The following HS1BP3 variants were observed in gnomAD, a reference collection of about 807,000 sequenced individuals.
HS1BP3 encodes the protein HCLS1 binding protein 3, also known as HCLS1-binding protein 3.
In HS1BP3, 32 loss-of-function variants were observed where a neutral mutation model predicts 33.5. That is an observed-to-expected ratio of 0.95 (90% CI 0.72 to 1.28). The LOEUF (loss-of-function observed/expected upper bound fraction) is 1.28. HS1BP3 is among the 50% of genes most tolerant of loss of function. The pLI is 0.00. For synonymous variants in HS1BP3, 187 were observed against 209.2 expected (o/e 0.89, Z 0.92); for missense variants, 486 against 502.3 (o/e 0.97, Z 0.31).
At chr2:20,566,612 G>GTT (rs200183651) in intron 5 of HS1BP3, among the ~76,000 whole-genome samples, 2 of 141,890 alleles carry the variant, frequency 1.4e-5, no homozygotes, top group South Asian at 2.2e-4. Context: ...TTTTTTTTTT[G>GTT]TTTTTTTTTT....
intron 2 of HS1BP3, among the ~76,000 whole-genome samples, chr2:20,606,044 C>T (rs1262636191): frequency 2.0e-5 from 3 of 152,122 alleles, no homozygotes; most frequent in Non-Finnish European, 4.4e-5. Context: ...ATTGACCATA[C>T]CATTCTACAT....
chr2:20,617,614 G>A (rs1361879386), downstream of HS1BP3, among the ~76,000 whole-genome samples: 3 of 149,128 alleles, frequency 2.0e-5, no homozygotes, highest in Admixed American at 6.7e-5. Context: ...ACCATCAGCC[G>A]GGGGCTCCCT....
intron 5 of HS1BP3, among the ~76,000 whole-genome samples, chr2:20,566,616 T>A (rs1433214256): frequency 2.6e-5 from 4 of 151,766 alleles, no homozygotes; most frequent in Non-Finnish European, 5.9e-5. Context: ...TTTTTTGTTT[T>A]TTTTTTTGAG....
chr2:20,613,965 G>A (rs1694365744), downstream of HS1BP3, among the ~76,000 whole-genome samples: 1 of 152,342 alleles, frequency 6.6e-6, no homozygotes, highest in Non-Finnish European at 1.5e-5. Context: ...GCCTTTGCAG[G>A]TATAATTAAA....
the HS1BP3 span, among the ~76,000 whole-genome samples, chr2:20,554,662 C>T: frequency 3.7e-4 from 52 of 142,264 alleles, no homozygotes; most frequent in Non-Finnish European, 5.2e-4. Flanking sequence ...GCGGAGGTTG[C>T]AATTGCACTC....
At chr2:20,571,466 T>A (rs1171819508) in intron 5 of HS1BP3, among the ~76,000 whole-genome samples, 1 of 152,224 alleles carries the variant, frequency 6.6e-6, no homozygotes, top group Non-Finnish European at 1.5e-5. Flanking sequence ...TTGTTCGACT[T>A]TGTGTCCTTT....
At chr2:20,559,260 G>A (rs1484780732), downstream of HS1BP3, among the ~76,000 whole-genome samples, 5 of 152,226 alleles carry the variant, frequency 3.3e-5, no homozygotes, top group East Asian at 9.6e-4. Flanking sequence ...CAGGCAGGTT[G>A]GAATTGCAAT....
intron 4 of HS1BP3, among the ~76,000 whole-genome samples, chr2:20,625,747 G>A (rs546853923): frequency 1.0e-3 from 152 of 152,312 alleles, no homozygotes; most frequent in Non-Finnish European, 2.0e-3. Context: ...AAACCAGGAC[G>A]GGGCAGGATG....
intron 5 of HS1BP3, among the ~76,000 whole-genome samples, chr2:20,565,755 A>T (rs1434936011): frequency 8.5e-5 from 13 of 152,232 alleles, no homozygotes; most frequent in Admixed American, 8.5e-4. Flanking sequence ...AGCCAAAGCC[A>T]CCAGGCAGGT....
At chr2:20,574,850 G>A (rs1158275105) in intron 5 of HS1BP3, among the ~76,000 whole-genome samples, 4 of 152,132 alleles carry the variant, frequency 2.6e-5, no homozygotes, top group Non-Finnish European at 1.5e-5. Flanking sequence ...GAGAGAAGTC[G>A]GGACCCTGGG....
chr2:20,576,238 C>T (rs1187678343), intron 5 of HS1BP3, among the ~76,000 whole-genome samples: 1 of 152,188 alleles, frequency 6.6e-6, no homozygotes, highest in Admixed American at 6.5e-5. Flanking sequence ...ACCTCGGCCT[C>T]CAAAGTGTTC....
At chr2:20,585,387 C>T (rs997928405) in intron 5 of HS1BP3, among the ~76,000 whole-genome samples, 12 of 152,184 alleles carry the variant, frequency 7.9e-5, no homozygotes, top group African/African-American at 2.2e-4. Flanking sequence ...TCGAGTGTCC[C>T]GGTCTGGAAG....
At chr2:20,615,210 G>A (rs779193188), downstream of HS1BP3, among the ~76,000 whole-genome samples, 6 of 152,242 alleles carry the variant, frequency 3.9e-5, no homozygotes, top group Non-Finnish European at 5.9e-5. Context: ...ACCCAGGGTG[G>A]GTAAGTCTCT....
intron 5 of HS1BP3, among the ~76,000 whole-genome samples, chr2:20,577,077 G>C (rs975431562): frequency 1.3e-5 from 2 of 152,218 alleles, no homozygotes; most frequent in African/African-American, 2.4e-5. Flanking sequence ...TGCCGTTTGA[G>C]TTGGGTTTTC....
Position 20,582,415 on chromosome 2 carries a change from TA to T in HS1BP3, c.303-21901del, listed in dbSNP as rs147250010. ...AGAGATTGGTAGGGGAGAGCTGTCC[TA>T]GGGGGAGGGTGGGCCTCTCAGGCAG... On this transcript the variant is annotated intron_variant, in intron 5 of 5. Coordinates refer to the HS1BP3 transcript ENST00000446825. Among the ~76,000 whole-genome samples, 66 of 146,760 alleles carry T rather than the reference TA, an allele frequency of 4.5e-4. 1 individual carries two copies. The East Asian group carries it at 0.012, about 26-fold the overall frequency.
rs2149275334 is a variant in HS1BP3 at position 20,579,976 on chromosome 2, A to T, written c.303-19461T>A. The stretch of plus-strand genomic sequence containing the variant: ...CCTCCTGCCTTTAAAATGTAAGTGA[A>T]AATGTTTTGTTTGTGGATCTGTTTC... On this transcript the variant is annotated intron_variant, in intron 5 of 5. Transcript: ENST00000446825. 2.0e-5 allele frequency among the ~76,000 whole-genome samples: 3 copies of T among 150,802 alleles called. No individual in the cohort carries two copies. The Middle Eastern group carries it at 0.01, about 520-fold the overall frequency.
In HS1BP3 at chr2:20,618,152, A is replaced by G. The variant is rs1328934173; in HGVS notation, c.*835T>C. On this transcript the variant is annotated 3_prime_UTR_variant, in exon 7 of 7. Coordinates refer to ENST00000304031, the MANE Select transcript of HS1BP3 (RefSeq NM_022460.4). ...ATGACCCAGTTTGCTGAGAGCTGCA[A>G]TGACGAACATTGGCTCTGTGCCCAG... The G allele has an allele frequency of 6.6e-6, 1 of 152,286 alleles. No individual in the cohort carries two copies. 9.4% of individuals were successfully genotyped at this position (152,286 alleles called of 1,614,324 possible). A position where few individuals can be genotyped will look rare whatever the true frequency, so the allele number is the denominator to read the frequency against.
chr2:20,605,861 T>G (rs1694166309), intron 2 of HS1BP3, among the ~76,000 whole-genome samples: 1 of 152,240 alleles, frequency 6.6e-6, no homozygotes, highest in African/African-American at 2.4e-5. Flanking sequence ...TGATGGATGT[T>G]TATGTTGTTT....
downstream of HS1BP3, among the ~76,000 whole-genome samples, chr2:20,591,918 G>C (rs1345427401): frequency 2.0e-5 from 3 of 152,122 alleles, no homozygotes; most frequent in East Asian, 5.8e-4. Flanking sequence ...TGGTTGCATG[G>C]GGGAGGCTGT....
Sources: gnomAD v4.1 joint callset for allele counts (sites outside exome capture counted in the v4.1 genomes callset) on GRCh38, gnomAD v4.1.1 for gene constraint, MANE v1.5 for transcripts, NCBI Gene and HGNC (gene_info 2026-07-23, HGNC 2026-07-21) for gene names.